The following CPA6 variants were observed in gnomAD, a reference collection of about 807,000 sequenced individuals.
CPA6 encodes carboxypeptidase B.
Under a neutral mutation model 63.3 loss-of-function variants are expected in CPA6, and 58 were observed. The ratio of observed to expected loss-of-function variants is 0.92; its 90% CI spans 0.74 to 1.14. The LOEUF (loss-of-function observed/expected upper bound fraction) is 1.14, where lower values mean the gene tolerates loss of function less well. Among genes scored for constraint, CPA6 ranks in the 50% most tolerant of loss-of-function variants. The pLI is 0.00. For missense variants in CPA6, 565 were observed against 526.6 expected, an observed-to-expected ratio of 1.07 and a Z score of -0.71; for synonymous variants, 185 against 179.0, an observed-to-expected ratio of 1.03 and a Z score of -0.27.
chr8:67,443,182 C>A (rs993097525), intron 8 of CPA6, among the ~76,000 whole-genome samples: 1 of 151,992 alleles, frequency 6.6e-6, no homozygotes, highest in Non-Finnish European at 1.5e-5. Flanking sequence ...CCTGCCTCAG[C>A]CTCCCAAGTA....
At chr8:67,513,860 A>G (rs954992877) in intron 3 of CPA6, among the ~76,000 whole-genome samples, 2 of 152,160 alleles carry the variant, frequency 1.3e-5, no homozygotes, top group Non-Finnish European at 2.9e-5. Flanking sequence ...TATTCCTGTA[A>G]TGGTGACTAG....
chr8:67,704,991 G>A (rs937180405), intron 1 of CPA6, among the ~76,000 whole-genome samples: 2 of 152,142 alleles, frequency 1.3e-5, no homozygotes, highest in African/African-American at 4.8e-5. Context: ...AGTAGAATAA[G>A]GAGGACAGGG....
intron 2 of CPA6, among the ~76,000 whole-genome samples, chr8:67,606,256 C>A (rs1029105743): frequency 4.0e-5 from 6 of 151,502 alleles, no homozygotes; most frequent in Non-Finnish European, 7.4e-5. Context: ...GGGTGCAGCA[C>A]ATCAGCATGG....
At chr8:67,634,047 G>C (rs1815406860) in intron 1 of CPA6, among the ~76,000 whole-genome samples, 1 of 146,706 alleles carries the variant, frequency 6.8e-6, no homozygotes, top group South Asian at 2.1e-4. Flanking sequence ...TGCATTTGAA[G>C]ATAGGGTCTT....
At chr8:67,552,505 G>T (rs1036646929) in intron 2 of CPA6, among the ~76,000 whole-genome samples, 2 of 152,074 alleles carry the variant, frequency 1.3e-5, no homozygotes, top group Non-Finnish European at 2.9e-5. Context: ...CGGGCACGGT[G>T]GCTCATGCCT....
At chr8:67,441,740 A>G (rs1475063754) in intron 8 of CPA6, among the ~76,000 whole-genome samples, 2 of 152,148 alleles carry the variant, frequency 1.3e-5, no homozygotes, top group Non-Finnish European at 2.9e-5. Context: ...TAGTACATAA[A>G]TATACAAAAG....
At chr8:67,674,385 C>A (rs1816421902) in intron 1 of CPA6, among the ~76,000 whole-genome samples, 1 of 152,220 alleles carries the variant, frequency 6.6e-6, no homozygotes, top group African/African-American at 2.4e-5. Flanking sequence ...GTCAAAGGAC[C>A]ACAACTGAAA....
chr8:67,667,325 A>T (rs1315787097), intron 1 of CPA6, among the ~76,000 whole-genome samples: 1 of 152,278 alleles, frequency 6.6e-6, no homozygotes, highest in East Asian at 1.9e-4. Context: ...AAAGGACCTC[A>T]GAGATCACCA....
chr8:67,578,368 G>A (rs1813679315), intron 2 of CPA6, among the ~76,000 whole-genome samples: 1 of 152,204 alleles, frequency 6.6e-6, no homozygotes, highest in Admixed American at 6.5e-5. Flanking sequence ...CTCCCTCAAA[G>A]TGCTCAAATG....
At chr8:67,608,503 G>C (rs1814724846) in intron 2 of CPA6, among the ~76,000 whole-genome samples, 1 of 152,302 alleles carries the variant, frequency 6.6e-6, no homozygotes, top group Middle Eastern at 3.4e-3. Context: ...CTTGCTGAGA[G>C]CCACCTCCAT....
intron 8 of CPA6, among the ~76,000 whole-genome samples, chr8:67,456,829 A>G (rs941026342): frequency 3.3e-5 from 5 of 152,218 alleles, no homozygotes; most frequent in African/African-American, 1.2e-4. Flanking sequence ...TGCCCTTATA[A>G]GAGGGAGATT....
chr8:67,621,679 C>T (rs1402358191), intron 2 of CPA6, among the ~76,000 whole-genome samples: 2 of 152,186 alleles, frequency 1.3e-5, no homozygotes, highest in Non-Finnish European at 2.9e-5. Flanking sequence ...CTGAGAGGAG[C>T]TGGATGTGAC....
At chr8:67,605,177 C>T (rs978651342) in intron 2 of CPA6, among the ~76,000 whole-genome samples, 1 of 151,822 alleles carries the variant, frequency 6.6e-6, no homozygotes, top group Non-Finnish European at 1.5e-5. Flanking sequence ...TGGTTGTGTC[C>T]TCACAATACC....
chr8:67,722,749 G>A (rs949168862), intron 1 of CPA6, among the ~76,000 whole-genome samples: 3 of 152,076 alleles, frequency 2.0e-5, no homozygotes, highest in Non-Finnish European at 4.4e-5. Context: ...GTGTTGGGAA[G>A]AAGAGATGCC....
intron 8 of CPA6, among the ~76,000 whole-genome samples, chr8:67,461,058 T>C (rs1193175147): frequency 6.6e-6 from 1 of 151,750 alleles, no homozygotes; most frequent in East Asian, 1.9e-4. Flanking sequence ...TCTTTTTTTT[T>C]TTTTTTAATT....
At chr8:67,576,808 G>A (rs780878643) in intron 2 of CPA6, among the ~76,000 whole-genome samples, 8 of 151,866 alleles carry the variant, frequency 5.3e-5, no homozygotes, top group Admixed American at 2.0e-4. Context: ...GTGTTGGCAC[G>A]GTGGGTGGAA....
At chr8:67,594,226 G>T (rs976821079) in intron 2 of CPA6, among the ~76,000 whole-genome samples, 11 of 152,150 alleles carry the variant, frequency 7.2e-5, no homozygotes, top group Non-Finnish European at 1.5e-4. Context: ...CTCTCTTCTG[G>T]CTTGTAGAGT....
At chr8:67,741,274 T>C (rs909253283) in intron 1 of CPA6, among the ~76,000 whole-genome samples, 1 of 152,112 alleles carries the variant, frequency 6.6e-6, no homozygotes, top group Non-Finnish European at 1.5e-5. Context: ...GAAGCAGCCA[T>C]GATGGTGGGA....
At chr8:67,531,733 A>G (rs576309997) in intron 2 of CPA6, among the ~76,000 whole-genome samples, 4 of 152,288 alleles carry the variant, frequency 2.6e-5, no homozygotes, top group African/African-American at 9.6e-5. Flanking sequence ...ATATTCAATT[A>G]CATCTCAGCA....
Sources: allele counts gnomAD v4.1 joint callset (sites outside exome capture counted in the v4.1 genomes callset), GRCh38; gene constraint gnomAD v4.1.1; transcripts MANE v1.5; gene names NCBI Gene and HGNC (gene_info 2026-07-23, HGNC 2026-07-21).